Variants in WDR33 observed in about 807,000 individuals in gnomAD.
The protein encoded by WDR33 is pre-mRNA 3' end processing protein WDR33.
Under a neutral mutation model 164.9 loss-of-function variants are expected in WDR33, and 47 were observed. The ratio of observed to expected loss-of-function variants is 0.29; its 90% CI spans 0.23 to 0.36. The LOEUF (loss-of-function observed/expected upper bound fraction) is 0.36. WDR33 is among the 10% of genes least tolerant of loss of function. The probability of loss-of-function intolerance (pLI) is 1.00; values close to 1 mark genes in which losing one functional copy is unlikely to be tolerated. For missense variants in WDR33, 1,137 were observed against 1,754.1 expected, an observed-to-expected ratio of 0.65 and a Z score of 6.28; for synonymous variants, 505 against 589.0, an observed-to-expected ratio of 0.86 and a Z score of 2.06.
intron 4 of WDR33, among the ~76,000 whole-genome samples, chr2:127,765,905 C>T (rs890070687): frequency 5.9e-5 from 9 of 151,880 alleles, no homozygotes; most frequent in African/African-American, 2.2e-4. Flanking sequence ...CTAATTAACA[C>T]TACACCAAAA....
At chr2:127,807,501 G>A (rs924412699) in intron 1 of WDR33, among the ~76,000 whole-genome samples, 2 of 152,134 alleles carry the variant, frequency 1.3e-5, no homozygotes, top group African/African-American at 4.8e-5. Flanking sequence ...ATAGAGGCAG[G>A]TACTAATGGG....
chr2:127,780,301 A>T (rs1171936650), intron 1 of WDR33, among the ~76,000 whole-genome samples: 1 of 152,144 alleles, frequency 6.6e-6, no homozygotes, highest in Non-Finnish European at 1.5e-5. Context: ...CAGGGTCAAA[A>T]CCTCAGCCTG....
chr2:127,725,423 A>G (rs1022079174), intron 8 of WDR33, among the ~76,000 whole-genome samples: 1 of 152,208 alleles, frequency 6.6e-6, no homozygotes, highest in Non-Finnish European at 1.5e-5. Context: ...AGACAAAGAC[A>G]GCTCTCATCA....
chr2:127,711,768 A>ATTTTTTTTTTTTTTTTTTTT (rs1441301170), intron 18 of WDR33, among the ~76,000 whole-genome samples: 1 of 70,268 alleles, frequency 1.4e-5, no homozygotes, highest in African/African-American at 1.1e-4. Flanking sequence ...ATATATATAT[A>ATTTTTTTTTTTTTTTTTTTT]TATATATATA....
At chr2:127,782,422 T>G (rs141578186) in intron 1 of WDR33, among the ~76,000 whole-genome samples, 3 of 152,132 alleles carry the variant, frequency 2.0e-5, no homozygotes, top group African/African-American at 7.2e-5. Flanking sequence ...TTGAGAAAAT[T>G]GATCTCAAAA....
Position 127,738,170 on chromosome 2 carries a change from T to C in WDR33, c.725-11393A>G. ...TATGACTGAGATTTTTTTCTATTAATGAGTAATCTGAGATAACATATGCTC... is the reference window on the plus strand; with the variant it reads ...TATGACTGAGATTTTTTTCTATTAACGAGTAATCTGAGATAACATATGCTC... On this transcript the variant is annotated intron_variant, in intron 7 of 21. Coordinates refer to ENST00000322313, the MANE Select transcript of WDR33 (RefSeq NM_018383.5). This position sits in a 1 kb window ranked among gnomAD's most constrained non-coding sequence, Gnocchi z 4.4. 3.7e-6 allele frequency: 3 copies of C among 805,026 alleles called. No homozygotes were observed. Among genetic ancestry groups the C allele is most frequent in the Non-Finnish European group, 5.4e-6 (3 of 558,798 alleles). 49.9% of individuals were successfully genotyped at this position (805,026 alleles called of 1,614,324 possible).
intron 1 of WDR33, among the ~76,000 whole-genome samples, chr2:127,807,551 A>G (rs560012613): frequency 6.6e-6 from 1 of 152,344 alleles, no homozygotes; most frequent in East Asian, 1.9e-4. Flanking sequence ...ACACTAGACT[A>G]ACTAAACAAG....
Position 127,721,786 on chromosome 2 carries a change from C to G in WDR33, c.1671+50G>C, listed in dbSNP as rs142539724. 2.0e-4 allele frequency: 315 copies of G among 1,550,028 alleles called. 2 individuals are homozygous for G. In the East Asian group the frequency reaches 6.1e-3, roughly 30 times the overall value. On this transcript the variant is annotated intron_variant, in intron 15 of 21. Transcript: ENST00000322313. This position sits in a 1 kb window ranked among gnomAD's most constrained non-coding sequence, Gnocchi z 4.9. Reference sequence around the variant, plus strand: ...AAGAGCCTATCAATAAAAATGTCACCACTACCCTCTTAGATCATCTTGAAT... The same window carrying G: ...AAGAGCCTATCAATAAAAATGTCACGACTACCCTCTTAGATCATCTTGAAT...
intron 7 of WDR33, among the ~76,000 whole-genome samples, chr2:127,727,785 G>A (rs1480937264): frequency 1.3e-5 from 2 of 152,180 alleles, no homozygotes; most frequent in Non-Finnish European, 2.9e-5. Flanking sequence ...GAGTGAGGAA[G>A]AACATTCAGA....
At chr2:127,804,006 T>C (rs529418483) in intron 1 of WDR33, among the ~76,000 whole-genome samples, 1 of 151,074 alleles carries the variant, frequency 6.6e-6, no homozygotes, top group Non-Finnish European at 1.5e-5. Flanking sequence ...TGCTCCTGCT[T>C]AAAGACTAAA....
intron 7 of WDR33, chr2:127,762,748 G>A: frequency 1.7e-5 from 19 of 1,097,282 alleles, no homozygotes; most frequent in Non-Finnish European, 2.1e-5. Flanking sequence ...TCAATATGTT[G>A]GGAACAAGTA....
chr2:127,780,442 T>C (rs1341173778), intron 1 of WDR33, among the ~76,000 whole-genome samples: 2 of 152,234 alleles, frequency 1.3e-5, no homozygotes, highest in Middle Eastern at 3.4e-3. Context: ...GCTAGACCAG[T>C]AACAAAATGA....
intron 7 of WDR33, chr2:127,737,867 C>G: frequency 7.1e-7 from 1 of 1,414,302 alleles, no homozygotes; most frequent in East Asian, 2.7e-5. Context: ...TAATCCGTGT[C>G]AAAGTAGAAG....
intron 1 of WDR33, among the ~76,000 whole-genome samples, chr2:127,785,073 G>A (rs1000200698): frequency 1.3e-5 from 2 of 152,128 alleles, no homozygotes; most frequent in African/African-American, 4.8e-5. Context: ...TCAACAGGTT[G>A]CCTCCATTCA....
Position 127,720,484 on chromosome 2 carries a change from T to C in WDR33, c.1672-131A>G, listed in dbSNP as rs965989554. ...ACTGCTCAAACTCTTCACGCTCCAG[T>C]GGTAATTAGAGTCCATGCAACACTC... On this transcript the variant is annotated intron_variant, in intron 15 of 21. Coordinates refer to ENST00000322313, the MANE Select transcript of WDR33 (RefSeq NM_018383.5). The surrounding 1 kb of genome is among the most constrained non-coding windows in gnomAD (Gnocchi z 5.9). 11 of 1,136,302 alleles carry C rather than the reference T, an allele frequency of 9.7e-6. No individual in the cohort carries two copies. Among genetic ancestry groups the C allele is most frequent in the Non-Finnish European group, 1.3e-5 (11 of 856,436 alleles). The allele number at this position is 1,136,302 out of a possible 1,614,324, so 70.4% of individuals were successfully genotyped here.
At chr2:127,803,031 T>C (rs1348433092) in intron 1 of WDR33, among the ~76,000 whole-genome samples, 2 of 151,964 alleles carry the variant, frequency 1.3e-5, no homozygotes, top group Non-Finnish European at 1.5e-5. Flanking sequence ...AAGCAAACCC[T>C]AATAATGAAT....
chr2:127,709,855 A>G lies in WDR33; in HGVS notation c.3310T>C (p.Phe1104Leu). The G allele has an allele frequency of 1.9e-6, 3 of 1,613,754 alleles. No homozygotes were observed. The highest frequency in any genetic ancestry group is 2.5e-6 in the Non-Finnish European group (3 of 1,179,912). Reference sequence around the variant, plus strand: ...TGCCTCGGCGGGGCTCCTCTTCTGAAACTGTAAAGAGAAAACAGCAGAATG... The same window carrying G: ...TGCCTCGGCGGGGCTCCTCTTCTGAGACTGTAAAGAGAAAACAGCAGAATG... Reference protein sequence around the residue: ...PRFRGRREESFRRGAPPRHEG... With the variant: ...PRFRGRREESLRRGAPPRHEG... Residue 1104 changes from phenylalanine to leucine, a missense_variant and splice_region_variant, in exon 19 of 22, where the codon TTC becomes CTC. By Grantham distance (22) the Phe-to-Leu change is conservative. Around this residue, in one of 9 missense-constraint regions of WDR33, gnomAD observed 867 missense variants for 1,073.0 expected, o/e 0.81. Coordinates refer to ENST00000322313, the MANE Select transcript of WDR33 (RefSeq NM_018383.5). The surrounding 1 kb of genome is among the most constrained non-coding windows in gnomAD (Gnocchi z 5.0).
At chr2:127,749,289 G>A (rs757229698) in intron 7 of WDR33, among the ~76,000 whole-genome samples, 31 of 152,144 alleles carry the variant, frequency 2.0e-4, no homozygotes, top group Admixed American at 1.0e-3. Flanking sequence ...AGTTGTGATC[G>A]TGCCACTGCA....
At position 127,782,351 on chromosome 2, in the gene WDR33, C is replaced by T. The variant is rs570002625; in HGVS notation, c.-23-11347G>A. ...TGAACCTGGGAGGCAGGGGTTGCGGCGAGCCGAGATTGCACCACTGCACTC... is the reference window on the plus strand; with the variant it reads ...TGAACCTGGGAGGCAGGGGTTGCGGTGAGCCGAGATTGCACCACTGCACTC... On this transcript the variant is annotated intron_variant, in intron 1 of 21. Coordinates refer to ENST00000322313, the MANE Select transcript of WDR33 (RefSeq NM_018383.5). Among the ~76,000 whole-genome samples the T allele has an allele frequency of 5.7e-3, 864 of 150,708 alleles. 15 individuals carry two copies. The highest frequency in any genetic ancestry group is 0.02 in the African/African-American group (809 of 41,000).
Sources: allele counts gnomAD v4.1 joint callset (sites outside exome capture counted in the v4.1 genomes callset), GRCh38; gene constraint gnomAD v4.1.1; regional missense constraint gnomAD v4.1.1; non-coding constraint Gnocchi (gnomAD v3.1); transcripts MANE v1.5; gene names NCBI Gene and HGNC (gene_info 2026-07-23, HGNC 2026-07-21).